GABPB2: variants seen among roughly 807,000 people sequenced by gnomAD.
GABPB2 encodes the protein GA binding protein transcription factor subunit beta 2.
A neutral mutation model predicts 39.1 loss-of-function variants in GABPB2; 23 were observed. The observed-to-expected ratio is 0.59, with a 90% CI of 0.42 to 0.83. The LOEUF is 0.83. GABPB2 is among the 40% of genes least tolerant of loss of function. The pLI is 0.00. For synonymous variants in GABPB2, 184 were observed against 199.3 expected (o/e 0.92, Z 0.65); for missense variants, 467 against 541.1 (o/e 0.86, Z 1.36).
intron 7 of GABPB2, among the ~76,000 whole-genome samples, chr1:151,109,608 C>T (rs2101555642): frequency 6.6e-6 from 1 of 151,838 alleles, no homozygotes; most frequent in South Asian, 2.1e-4. Context: ...ATCCACCCTC[C>T]TCGGCCTCCC....
Position 151,097,884 on chromosome 1 carries a change from A to G in GABPB2, c.504A>G (p.Pro168=). ...EAMQNQVNVN[P]ERANPVTDPV... is the part of the protein sequence containing the mutation. ...TGCAGAATCAGGTGAATGTTAATCC[A>G]GAGAGAGCCAACCCTGTGACTGACC... Residue 168 remains proline (P), a synonymous_variant, in exon 5 of 9, where the codon CCA becomes CCG. Coordinates refer to ENST00000368918, the MANE Select transcript of GABPB2 (RefSeq NM_144618.3). The G allele has an allele frequency of 1.2e-6, 2 of 1,614,000 alleles. No individual in the cohort carries two copies. The highest frequency in any genetic ancestry group is 1.1e-5 in the South Asian group (1 of 91,090).
chr1:151,095,669 C>T (rs1679044418), intron 4 of GABPB2, among the ~76,000 whole-genome samples: 1 of 152,126 alleles, frequency 6.6e-6, no homozygotes, highest in South Asian at 2.1e-4. Context: ...TATTTTATTT[C>T]CTATCTTTAA....
rs199965839 is a variant in GABPB2 at position 151,118,028 on chromosome 1, C to T, written c.1119C>T (p.His373=). 43 of 1,614,090 alleles carry T rather than the reference C, an allele frequency of 2.7e-5. No individual in the cohort carries two copies. The highest frequency in any genetic ancestry group is 3.6e-5 in the Non-Finnish European group (43 of 1,180,040). ...ATCGAAGAGCCCAGGAATACCGACA[C>T]CAGCTCCTAAAGAAAGAGCAGGAAG... ...EANRRAQEYR[H]QLLKKEQEAE... The change falls in exon 9 of 9, where the codon CAC becomes CAT. Residue 373 remains histidine (H), a synonymous_variant. Transcript: ENST00000368918.
intron 3 of GABPB2, among the ~76,000 whole-genome samples, chr1:151,091,991 T>TGAG (rs1485669843): frequency 6.6e-6 from 1 of 151,758 alleles, no homozygotes. Context: ...AGGGTCTCGT[T>TGAG]GTATTGCCCA....
intron 5 of GABPB2, among the ~76,000 whole-genome samples, chr1:151,098,721 G>A (rs1679291424): frequency 6.6e-6 from 1 of 152,082 alleles, no homozygotes; most frequent in Non-Finnish European, 1.5e-5. Context: ...TAAGAGTCTG[G>A]ATTTGTTCTT....
chr1:151,084,900 A>G (rs1459842297), intron 1 of GABPB2, among the ~76,000 whole-genome samples: 1 of 151,906 alleles, frequency 6.6e-6, no homozygotes, highest in Non-Finnish European at 1.5e-5. Flanking sequence ...TCATTCCTTC[A>G]TATAAAAGTG....
At chr1:151,094,417 A>C (rs1235751826) in intron 4 of GABPB2, among the ~76,000 whole-genome samples, 3 of 139,276 alleles carry the variant, frequency 2.2e-5, no homozygotes, top group African/African-American at 8.0e-5. Flanking sequence ...TGCCCAGTGC[A>C]ATGGCACGAT....
At chr1:151,088,576 T>C in intron 2 of GABPB2, 2 of 615,038 alleles carry the variant, frequency 3.3e-6, no homozygotes, top group Non-Finnish European at 5.1e-6. Flanking sequence ...AAGGTTTAAC[T>C]GTCTCTGGAG....
chr1:151,118,258 A>C lies in GABPB2; in HGVS notation c.*2A>C, dbSNP rs755006290. On this transcript the variant is annotated 3_prime_UTR_variant, in exon 9 of 9. Coordinates refer to ENST00000368918, the MANE Select transcript of GABPB2 (RefSeq NM_144618.3). The stretch of plus-strand genomic sequence containing the variant: ...TCCATGGCAACTGTTTCATCTTAAT[A>C]TGCAAGGGCCACAATTTGCACTGTG... 1 of 1,610,072 alleles carries C rather than the reference A, an allele frequency of 6.2e-7. No homozygotes were observed. Among genetic ancestry groups the C allele is most frequent in the Admixed American group, 1.7e-5 (1 of 59,592 alleles).
intron 1 of GABPB2, among the ~76,000 whole-genome samples, chr1:151,080,116 G>A (rs897416330): frequency 5.3e-5 from 8 of 149,772 alleles, no homozygotes; most frequent in Non-Finnish European, 4.4e-5. Context: ...TTGGGAGGCT[G>A]AGGTAGGAGA....
Position 151,118,493 on chromosome 1 carries a change from C to A in GABPB2, c.*237C>A, listed in dbSNP as rs888464027. The A allele has an allele frequency of 1.1e-5, 5 of 436,354 alleles. No homozygotes were observed. In the South Asian group the frequency reaches 1.7e-4, roughly 15 times the overall value. 27.0% of individuals were successfully genotyped at this position (436,354 alleles called of 1,614,324 possible). On this transcript the variant is annotated 3_prime_UTR_variant, in exon 9 of 9. Transcript: ENST00000368918. Reference sequence around the variant, plus strand: ...AAGGACCAAATTTCTTAGCTCATATCATTGCTTTAAACATAGAAGTAAAAG... The same window carrying A: ...AAGGACCAAATTTCTTAGCTCATATAATTGCTTTAAACATAGAAGTAAAAG...
chr1:151,086,128 C>G (rs1678169161), intron 1 of GABPB2, among the ~76,000 whole-genome samples: 1 of 151,976 alleles, frequency 6.6e-6, no homozygotes, highest in Non-Finnish European at 1.5e-5. Flanking sequence ...GCTTGTAGTC[C>G]CAGCTACTCG....
intron 7 of GABPB2, among the ~76,000 whole-genome samples, chr1:151,114,634 G>A (rs1680714894): frequency 6.6e-6 from 1 of 152,058 alleles, no homozygotes; most frequent in South Asian, 2.1e-4. Flanking sequence ...GGAGGTGGAG[G>A]TTGCAGTGAG....
At position 151,100,777 on chromosome 1, in the gene GABPB2, G is replaced by T. The variant is rs587696648; in HGVS notation, c.622+2775G>T. On this transcript the variant is annotated intron_variant, in intron 5 of 8. Coordinates refer to ENST00000368918, the MANE Select transcript of GABPB2 (RefSeq NM_144618.3). ...TAATTTTTGTATTTTTAGAAGAGAC[G>T]GGGTTTCACCATGTTGGCCAGGCTG... 6.0e-5 allele frequency among the ~76,000 whole-genome samples: 9 copies of T among 150,640 alleles called. No individual in the cohort carries two copies. In the South Asian group the frequency reaches 1.9e-3, roughly 32 times the overall value.
chr1:151,074,349 C>T (rs1450828102), intron 1 of GABPB2, among the ~76,000 whole-genome samples: 9 of 147,724 alleles, frequency 6.1e-5, no homozygotes, highest in Non-Finnish European at 1.0e-4. Flanking sequence ...CTCGCTCTGT[C>T]GCCCAGGCTG....
At position 151,117,906 on chromosome 1, in the gene GABPB2, A is replaced by G. The variant is rs41445244; in HGVS notation, c.1048-51A>G. On this transcript the variant is annotated intron_variant, in intron 8 of 8. Transcript: ENST00000368918. ...GCCTGTCTTTTTGTCTACTGTCTGGATAATTTATGATCAGGAATTTACCTG... is the reference window on the plus strand; with the variant it reads ...GCCTGTCTTTTTGTCTACTGTCTGGGTAATTTATGATCAGGAATTTACCTG... The G allele has an allele frequency of 2.1e-3, 3,180 of 1,547,690 alleles. 66 individuals are homozygous for G. In the African/African-American group the frequency reaches 0.039, roughly 19 times the overall value.
chr1:151,084,759 C>T (rs770143739), intron 1 of GABPB2, among the ~76,000 whole-genome samples: 3 of 151,078 alleles, frequency 2.0e-5, no homozygotes, highest in African/African-American at 7.3e-5. Flanking sequence ...TGGTCTCGAT[C>T]TCCTGACCTT....
chr1:151,087,875 CCTT>C (rs770213433), intron 1 of GABPB2, among the ~76,000 whole-genome samples: 1 of 151,924 alleles, frequency 6.6e-6, no homozygotes, highest in Non-Finnish European at 1.5e-5. Flanking sequence ...AATATTGTAC[CCTT>C]CTTCATTTCA....
chr1:151,093,616 AT>A (rs1230669717), intron 4 of GABPB2, among the ~76,000 whole-genome samples: 1 of 148,808 alleles, frequency 6.7e-6, no homozygotes, highest in African/African-American at 2.4e-5. Context: ...TTTTATATAT[AT>A]TTTTTAATAT....
Sources: allele counts gnomAD v4.1 joint callset (sites outside exome capture counted in the v4.1 genomes callset), GRCh38; gene constraint gnomAD v4.1.1; transcripts MANE v1.5; gene names NCBI Gene and HGNC (gene_info 2026-07-23, HGNC 2026-07-21).